Variants in KRABD5 observed in about 807,000 individuals in gnomAD.
KRABD5 encodes the protein KRAB domain-containing protein 5.
At chr16:31,734,360 C>T in the KRABD5 span, among the ~76,000 whole-genome samples, 2 of 151,972 alleles carry the variant, frequency 1.3e-5, no homozygotes, top group African/African-American at 4.8e-5. Flanking sequence ...AAGTGATCCT[C>T]CTGCCTCAGC....
At chr16:31,746,009 G>T in the KRABD5 span, among the ~76,000 whole-genome samples, 1 of 151,382 alleles carries the variant, frequency 6.6e-6, no homozygotes, top group Non-Finnish European at 1.5e-5. Flanking sequence ...GAGCCTATAT[G>T]TGTCTTTGCA....
the KRABD5 span, chr16:31,753,766 A>T: frequency 2.0e-5 from 30 of 1,477,880 alleles, 1 homozygote; most frequent in South Asian, 3.9e-4. Context: ...TATCTTTCAG[A>T]TATCTTTTCT....
the KRABD5 span, among the ~76,000 whole-genome samples, chr16:31,730,855 G>A: frequency 3.3e-5 from 5 of 151,232 alleles, no homozygotes; most frequent in East Asian, 1.9e-4. Flanking sequence ...TTCATTGTTC[G>A]CTTTAGTTCC....
the KRABD5 span, among the ~76,000 whole-genome samples, chr16:31,734,406 G>A: frequency 6.6e-6 from 1 of 151,832 alleles, no homozygotes; most frequent in Non-Finnish European, 1.5e-5. Context: ...ATATGCCACC[G>A]TGCCTGGCTA....
At chr16:31,713,454 G>T in the KRABD5 span, 1 of 1,602,060 alleles carries the variant, frequency 6.2e-7, no homozygotes, top group South Asian at 1.1e-5. Flanking sequence ...GCCAGGTCGG[G>T]GGTCCCCAGA....
chr16:31,740,936 A>G, the KRABD5 span, among the ~76,000 whole-genome samples: 12 of 152,332 alleles, frequency 7.9e-5, no homozygotes, highest in East Asian at 2.1e-3. Context: ...GATAATGAGC[A>G]TAGTGCCTAA....
the KRABD5 span, among the ~76,000 whole-genome samples, chr16:31,747,865 A>G: frequency 1.1e-4 from 16 of 152,066 alleles, no homozygotes; most frequent in Admixed American, 5.9e-4. Flanking sequence ...AACTTGTTTG[A>G]GTTCATTGTA....
chr16:31,744,043 TA>T, the KRABD5 span, among the ~76,000 whole-genome samples: 1 of 152,170 alleles, frequency 6.6e-6, no homozygotes, highest in Non-Finnish European at 1.5e-5. Context: ...ACTGGTTTTC[TA>T]AATATAAAAT....
chr16:31,732,170 G>GTCCTCAAATTGTCC, the KRABD5 span, among the ~76,000 whole-genome samples: 1 of 152,178 alleles, frequency 6.6e-6, no homozygotes, highest in Non-Finnish European at 1.5e-5. Context: ...TTAAGGACTT[G>GTCCTCAAATTGTCC]TCCTCAAATT....
At chr16:31,746,071 A>G in the KRABD5 span, among the ~76,000 whole-genome samples, 78 of 152,076 alleles carry the variant, frequency 5.1e-4, no homozygotes, top group African/African-American at 1.8e-3. Flanking sequence ...TCTTTATCCA[A>G]TTTGCAAGTC....
the KRABD5 span, among the ~76,000 whole-genome samples, chr16:31,736,955 A>G: frequency 2.6e-5 from 4 of 152,182 alleles, no homozygotes; most frequent in Non-Finnish European, 4.4e-5. Context: ...ATTGCTGGGT[A>G]TGTTAATTTT....
the KRABD5 span, chr16:31,755,145 G>A: frequency 2.0e-6 from 1 of 489,280 alleles, no homozygotes; most frequent in East Asian, 6.2e-5. Context: ...TGTAAGGAAT[G>A]CAGCAAAGCC....
the KRABD5 span, chr16:31,722,735 G>C: frequency 6.2e-7 from 1 of 1,606,992 alleles, no homozygotes; most frequent in Non-Finnish European, 8.5e-7. Context: ...GAGAACTACG[G>C]AAACCTGGTC....
chr16:31,754,220 G>A, the KRABD5 span: 1 of 664,622 alleles, frequency 1.5e-6, no homozygotes, highest in East Asian at 2.7e-5. Context: ...TTAAAAACGA[G>A]GAGGTGATTT....
chr16:31,722,819 A>G, the KRABD5 span: 3 of 1,469,204 alleles, frequency 2.0e-6, no homozygotes, highest in Non-Finnish European at 1.8e-6. Flanking sequence ...TTTCCTTTGT[A>G]GAATGTCACT....
At chr16:31,740,914 T>A in the KRABD5 span, among the ~76,000 whole-genome samples, 3 of 152,180 alleles carry the variant, frequency 2.0e-5, no homozygotes, top group African/African-American at 7.2e-5. Context: ...GTCTGAATGA[T>A]CCCATCATCC....
chr16:31,755,774 T>A, the KRABD5 span: 1 of 351,942 alleles, frequency 2.8e-6, no homozygotes, highest in African/African-American at 2.2e-5. Flanking sequence ...AAAATCACCA[T>A]AGAGTTTATA....
At chr16:31,751,521 G>A in the KRABD5 span, among the ~76,000 whole-genome samples, 1 of 152,044 alleles carries the variant, frequency 6.6e-6, no homozygotes, top group African/African-American at 2.4e-5. Context: ...GAAATTTTGT[G>A]TTTCTAGGAA....
chr16:31,727,560 G>T, the KRABD5 span, among the ~76,000 whole-genome samples: 23 of 152,184 alleles, frequency 1.5e-4, no homozygotes, highest in African/African-American at 5.1e-4. Flanking sequence ...TTTTTTGGAA[G>T]AATTTGAGAA....
Sources: allele counts gnomAD v4.1 joint callset (sites outside exome capture counted in the v4.1 genomes callset), GRCh38; gene constraint gnomAD v4.1.1; transcripts MANE v1.5; gene names NCBI Gene and HGNC (gene_info 2026-07-23, HGNC 2026-07-21).